Variants in NAA60 observed in about 807,000 individuals in gnomAD.
NAA60 encodes N-alpha-acetyltransferase 60.
In NAA60, 8 loss-of-function variants were observed where a neutral mutation model predicts 26.1. The ratio of observed to expected loss-of-function variants is 0.31; its 90% CI spans 0.18 to 0.55. NAA60 has a LOEUF of 0.55. Among genes scored for constraint, NAA60 ranks in the 20% least tolerant of loss-of-function variants. The pLI, the probability that NAA60 is intolerant of heterozygous loss-of-function variation, is 0.93. For missense variants in NAA60, 290 were observed against 311.3 expected (o/e 0.93, Z 0.51); for synonymous variants, 131 against 122.5 (o/e 1.07, Z -0.46).
chr16:3,460,078 C>T (rs757408621), intron 2 of NAA60, among the ~76,000 whole-genome samples: 3 of 152,066 alleles, frequency 2.0e-5, no homozygotes, highest in Non-Finnish European at 4.4e-5. Context: ...ATACAGAATC[C>T]AGAATGGTCA....
intron 2 of NAA60, among the ~76,000 whole-genome samples, chr16:3,450,520 G>A (rs902619935): frequency 3.3e-5 from 5 of 151,964 alleles, no homozygotes; most frequent in Non-Finnish European, 5.9e-5. Flanking sequence ...CTAACATGGT[G>A]AAACCCCATC....
At chr16:3,445,677 C>G (rs75055540) in intron 1 of NAA60, among the ~76,000 whole-genome samples, 2,660 of 152,210 alleles carry the variant, frequency 0.017, 76 homozygotes, top group African/African-American at 0.058. Flanking sequence ...TCCCGTGGCT[C>G]TCTTCTTTAA....
chr16:3,478,658 G>T (rs755491019), intron 3 of NAA60, among the ~76,000 whole-genome samples: 8 of 152,100 alleles, frequency 5.3e-5, no homozygotes, highest in African/African-American at 1.7e-4. Flanking sequence ...ATGAGCAGCC[G>T]TTAGCAGCCT....
chr16:3,480,822 C>G (rs1407689101), intron 4 of NAA60, among the ~76,000 whole-genome samples: 3 of 152,196 alleles, frequency 2.0e-5, no homozygotes, highest in African/African-American at 4.8e-5. Flanking sequence ...ACAAGAATCA[C>G]TTGAACCCAG....
chr16:3,453,385 C>G (rs1159053253), intron 2 of NAA60, among the ~76,000 whole-genome samples: 1 of 152,054 alleles, frequency 6.6e-6, no homozygotes, highest in South Asian at 2.1e-4. Context: ...CAGAGTGAGA[C>G]TCTGTCTCCA....
intron 2 of NAA60, chr16:3,456,611 A>G (rs1849169368): frequency 6.6e-6 from 1 of 152,214 alleles, no homozygotes; most frequent in Admixed American, 6.5e-5. Context: ...AACTTTTGGC[A>G]CATAGCCTGA....
rs369683370 is a variant in NAA60, at chr16:3,485,857, C to A, written c.*597C>A. On this transcript the variant is annotated 3_prime_UTR_variant, in exon 8 of 8. Coordinates refer to ENST00000407558, the MANE Select transcript of NAA60 (RefSeq NM_001083601.3). ...GGCAGCCTGGGGGAGGCTTTCCTCG[C>A]AAGCACAGAGCTCTGAGGCTCAGCC... 1.1e-4 allele frequency: 39 copies of A among 361,186 alleles called. 1 individual carries two copies. In the East Asian group the frequency reaches 2.0e-3, roughly 18 times the overall value. The allele number at this position is 361,186 out of a possible 1,614,324, so 22.4% of individuals were successfully genotyped here.
chr16:3,479,338 G>A lies in NAA60; in HGVS notation c.111-133G>A, dbSNP rs2036682009. ...ACAGTTAGGTAGAGACTTAAGTGAT[G>A]GGCACACTCCTCGGCAGCCTTAGAG... On this transcript the variant is annotated intron_variant, in intron 3 of 7. Transcript: ENST00000407558. 4.9e-6 allele frequency: 4 copies of A among 823,432 alleles called. No homozygotes were observed. The Admixed American group carries it at 1.1e-4, about 22-fold the overall frequency. 51.0% of individuals were successfully genotyped at this position (823,432 alleles called of 1,614,324 possible).
At chr16:3,444,330 C>T (rs2034463123) in intron 1 of NAA60, among the ~76,000 whole-genome samples, 3 of 152,114 alleles carry the variant, frequency 2.0e-5, no homozygotes, top group Admixed American at 2.0e-4. Flanking sequence ...CAGTTTACAA[C>T]TTTGCTTTCC....
At chr16:3,469,085 CA>C (rs57070540) in intron 2 of NAA60, among the ~76,000 whole-genome samples, 14,418 of 129,000 alleles carry the variant, frequency 0.11, 1,029 homozygotes, top group South Asian at 0.31. Context: ...GACAACATCT[CA>C]AAAAAAAAAA....
chr16:3,473,652 G>C lies in NAA60; in HGVS notation c.-6-2570G>C, dbSNP rs530870228. ...TGACCTCAAGCAGTCCACCTGCCTG[G>C]ACCTCCCAAAGTGCTAGGATTACAG... On this transcript the variant is annotated intron_variant, in intron 2 of 7. Transcript: ENST00000407558. 1.4e-4 allele frequency among the ~76,000 whole-genome samples: 22 copies of C among 152,234 alleles called. 1 individual carries two copies. In the South Asian group the frequency reaches 4.4e-3, roughly 30 times the overall value.
At chr16:3,476,140 C>G (rs2036466866) in intron 2 of NAA60, 82 bp from the exon 3 acceptor site, 2 of 1,084,582 alleles carry the variant, frequency 1.8e-6, no homozygotes, top group African/African-American at 1.6e-5. Flanking sequence ...GCTCCGTGCT[C>G]TTCTGTCTCG....
chr16:3,450,224 AGTGCTCCTGGGGTG>A (rs987967792), intron 2 of NAA60: 4 of 338,704 alleles, frequency 1.2e-5, no homozygotes, highest in African/African-American at 8.5e-5. Flanking sequence ...CTCTTCTGGG[AGTGCTCCTGGGGTG>A]GTCTGGAGGC....
At position 3,483,574 on chromosome 16, in the gene NAA60, C is replaced by T. The variant is rs183348581; in HGVS notation, c.549C>T (p.Gly183=). 482 of 1,612,148 alleles carry T rather than the reference C, an allele frequency of 3.0e-4. No homozygotes were observed. Among genetic ancestry groups the T allele is most frequent in the East Asian group, 9.4e-4 (42 of 44,858 alleles). The part of the protein sequence containing the change: ...DGFTYVLYIN[G]GHPPWTILDY... ...TCACCTATGTCCTCTACATCAACGG[C>T]GGCCACCCTCCCTGGACGATTTTAT... The change falls in exon 6 of 8, where the codon GGC becomes GGT. Residue 183 remains glycine (G), a synonymous_variant. Transcript: ENST00000407558.
chr16:3,485,683 T>C lies in NAA60; in HGVS notation c.*423T>C. 2.2e-6 allele frequency: 1 copy of C among 456,622 alleles called. No individual in the cohort carries two copies. 28.3% of individuals were successfully genotyped at this position (456,622 alleles called of 1,614,324 possible). A position where few individuals can be genotyped will look rare whatever the true frequency, so the allele number is the denominator to read the frequency against. On this transcript the variant is annotated 3_prime_UTR_variant, in exon 8 of 8. Coordinates refer to ENST00000407558, the MANE Select transcript of NAA60 (RefSeq NM_001083601.3). ...TCCTGCAAGGGAGGAACGCAAGTAT[T>C]ATGGACACACTTGACCGTAAAGGCA...
At chr16:3,450,355 C>T (rs544911093) in intron 2 of NAA60, among the ~76,000 whole-genome samples, 2 of 152,064 alleles carry the variant, frequency 1.3e-5, no homozygotes, top group Non-Finnish European at 2.9e-5. Context: ...CAGGGTCTGC[C>T]TAGGAAGGCT....
intron 2 of NAA60, among the ~76,000 whole-genome samples, chr16:3,471,540 CGT>C (rs2036145713): frequency 6.6e-6 from 1 of 152,050 alleles, no homozygotes; most frequent in South Asian, 2.1e-4. Context: ...GGAACGTTTT[CGT>C]CCCCTCAGGA....
At chr16:3,474,691 G>T (rs569929996) in intron 2 of NAA60, among the ~76,000 whole-genome samples, 1 of 152,230 alleles carries the variant, frequency 6.6e-6, no homozygotes. Context: ...GGGGCCCAGG[G>T]GCTTGCCTCC....
intron 2 of NAA60, among the ~76,000 whole-genome samples, chr16:3,464,977 A>G (rs1318803218): frequency 6.6e-6 from 1 of 152,122 alleles, no homozygotes; most frequent in Non-Finnish European, 1.5e-5. Flanking sequence ...TTTCTATTTC[A>G]GAAAAAGGGG....
Sources: allele counts gnomAD v4.1 joint callset (sites outside exome capture counted in the v4.1 genomes callset), GRCh38; gene constraint gnomAD v4.1.1; transcripts MANE v1.5; gene names NCBI Gene and HGNC (gene_info 2026-07-23, HGNC 2026-07-21).